The following FHL2 variants were observed in gnomAD, a reference collection of about 807,000 sequenced individuals.
FHL2 encodes four and a half LIM domains 2.
A neutral mutation model predicts 32.7 loss-of-function variants in FHL2; 20 were observed. That is an observed-to-expected ratio of 0.61 (90% CI 0.43 to 0.89). The LOEUF (loss-of-function observed/expected upper bound fraction) is 0.89, where lower values mean the gene tolerates loss of function less well. FHL2 is among the 40% of genes least tolerant of loss of function. The pLI is 0.00. For synonymous variants in FHL2, 123 were observed against 128.1 expected (o/e 0.96, Z 0.27); for missense variants, 311 against 358.6 (o/e 0.87, Z 1.07).
chr2:105,405,551 A>G (rs996967617), intron 1 of FHL2, among the ~76,000 whole-genome samples: 10 of 152,254 alleles, frequency 6.6e-5, no homozygotes, highest in African/African-American at 2.4e-4. Context: ...TGCTAGGATT[A>G]CAGGCGTGAG....
rs1217761513 is a variant in FHL2 at position 105,373,672 on chromosome 2, T to C, written c.218A>G (p.Asn73Ser). The change falls in exon 4 of 7, where the codon AAC becomes AGC. Residue 73 changes from asparagine to serine, a missense_variant. Physicochemically the swap from Asn to Ser is conservative, Grantham distance 46 (BLOSUM62 1). Transcript: ENST00000530340. The part of the protein sequence containing the change: ...EACFHCSQCR[N>S]SLVDKPFAAK... ...AGCAAAGGGCTTGTCCACCAGTGAGTTTCTGCACTGCGAGCAGTGGAAACA... is the reference window on the plus strand; with the variant it reads ...AGCAAAGGGCTTGTCCACCAGTGAGCTTCTGCACTGCGAGCAGTGGAAACA... 5.0e-6 allele frequency: 8 copies of C among 1,613,774 alleles called. No homozygotes were observed. The highest frequency in any genetic ancestry group is 6.8e-6 in the Non-Finnish European group (8 of 1,179,980).
chr2:105,363,443 C>T lies in FHL2; in HGVS notation c.530G>A (p.Arg177Gln), dbSNP rs113188481. 4,062 of 1,611,134 alleles carry T rather than the reference C, an allele frequency of 2.5e-3. 87 individuals carry two copies. In the African/African-American group the frequency reaches 0.047, roughly 19 times the overall value. ...GCACTCCTTGTGCCAGGGCTGCTCC[C>T]GGTAAGTGACCCCTCCCGTGGTGAT... ...KPITTGGVTY[R>Q]EQPWHKECFV... The change falls in exon 6 of 7, where the codon CGG becomes CAG. Residue 177 changes from arginine to glutamine, a missense_variant. Coordinates refer to ENST00000530340, the MANE Select transcript of FHL2 (RefSeq NM_001318895.3).
chr2:105,396,672 C>T lies in FHL2; in HGVS notation c.-50G>A. 1 of 1,612,826 alleles carries T rather than the reference C, an allele frequency of 6.2e-7. No individual in the cohort carries two copies. The highest frequency in any genetic ancestry group is 8.5e-7 in the Non-Finnish European group (1 of 1,179,856). On this transcript the variant is annotated 5_prime_UTR_variant, in exon 2 of 7. Coordinates refer to ENST00000530340, the MANE Select transcript of FHL2 (RefSeq NM_001318895.3). ...CCCAAAGTCAAAATGCCAGCCTAGT[C>T]TCCAGGAAGACACAGTTCTCAGCCA...
At chr2:105,372,468 G>A (rs150314033) in intron 4 of FHL2, among the ~76,000 whole-genome samples, 31 of 152,040 alleles carry the variant, frequency 2.0e-4, no homozygotes, top group African/African-American at 5.3e-4. Context: ...CTCGTGATCC[G>A]CCCTCCTTAG....
At chr2:105,402,211 G>A (rs1415754635), upstream of FHL2, among the ~76,000 whole-genome samples, 1 of 147,960 alleles carries the variant, frequency 6.8e-6, no homozygotes, top group Non-Finnish European at 1.5e-5. Context: ...GTGTATATAT[G>A]TATATATATG....
chr2:105,426,860 G>A (rs1043125888), intron 1 of FHL2, among the ~76,000 whole-genome samples: 14 of 152,260 alleles, frequency 9.2e-5, no homozygotes, highest in African/African-American at 3.1e-4. Context: ...GCTTCTCAGA[G>A]ATCTCTACTC....
intron 1 of FHL2, among the ~76,000 whole-genome samples, chr2:105,427,315 T>C (rs1487294799): frequency 6.6e-6 from 1 of 152,218 alleles, no homozygotes; most frequent in East Asian, 1.9e-4. Flanking sequence ...CTCTAGTCAA[T>C]TTCATTTTGT....
chr2:105,425,596 G>T (rs1039582290), intron 1 of FHL2, among the ~76,000 whole-genome samples: 2 of 152,018 alleles, frequency 1.3e-5, no homozygotes, highest in African/African-American at 4.8e-5. Context: ...AAACCCGATT[G>T]TACATTTGTT....
intron 1 of FHL2, among the ~76,000 whole-genome samples, chr2:105,397,886 T>G (rs1311500638): frequency 2.9e-5 from 2 of 69,310 alleles, no homozygotes; most frequent in African/African-American, 9.2e-5. Context: ...TTTTTGTTTT[T>G]TGTTTTTTTT....
chr2:105,361,542 A>G (rs1680261647), intron 6 of FHL2, 108 bp from the exon 7 acceptor site: 1 of 947,378 alleles, frequency 1.1e-6, no homozygotes, highest in African/African-American at 1.7e-5. Flanking sequence ...ATTGTGTAAT[A>G]TGGATAATGT....
chr2:105,371,265 A>C (rs1182590237), intron 4 of FHL2, among the ~76,000 whole-genome samples: 1 of 152,140 alleles, frequency 6.6e-6, no homozygotes, highest in African/African-American at 2.4e-5. Context: ...CTAAGTCAGC[A>C]AGCTTCGAGT....
At chr2:105,358,050 G>C (rs1680085593), downstream of FHL2, 1 of 152,142 alleles carries the variant, frequency 6.6e-6, no homozygotes, top group Non-Finnish European at 1.5e-5. Context: ...TTCCAGGAGG[G>C]CTCTTCTTGG....
chr2:105,415,015 A>G (rs529233684), intron 1 of FHL2, among the ~76,000 whole-genome samples: 6 of 152,346 alleles, frequency 3.9e-5, no homozygotes, highest in African/African-American at 1.4e-4. Flanking sequence ...ATATCTTTTG[A>G]TCCTTAAAGT....
At chr2:105,430,446 C>T (rs1418436015) in intron 1 of FHL2, among the ~76,000 whole-genome samples, 1 of 152,176 alleles carries the variant, frequency 6.6e-6, no homozygotes, top group African/African-American at 2.4e-5. Flanking sequence ...GCGGGCAGAT[C>T]ACCCGAGGTC....
At chr2:105,421,785 CT>C (rs776988400) in intron 1 of FHL2, among the ~76,000 whole-genome samples, 2 of 152,190 alleles carry the variant, frequency 1.3e-5, no homozygotes, top group Non-Finnish European at 2.9e-5. Flanking sequence ...AATGGAGGCA[CT>C]TCTGTGATGC....
chr2:105,367,351 C>T (rs950906321), intron 5 of FHL2, among the ~76,000 whole-genome samples: 3 of 152,140 alleles, frequency 2.0e-5, no homozygotes, highest in African/African-American at 4.8e-5. Context: ...CAGGGTTAAA[C>T]GATTTGATCA....
intron 1 of FHL2, among the ~76,000 whole-genome samples, chr2:105,405,201 GC>G (rs1332327963): frequency 6.6e-6 from 1 of 152,122 alleles, no homozygotes; most frequent in African/African-American, 2.4e-5. Context: ...TCACTTCTCT[GC>G]CTGCCTTCTC....
chr2:105,418,986 C>T (rs6711897), intron 1 of FHL2, among the ~76,000 whole-genome samples: 27,637 of 152,176 alleles, frequency 0.18, 3,128 homozygotes, highest in Middle Eastern at 0.29. Context: ...GCATGCACTG[C>T]AAGTCTTGGA....
intron 3 of FHL2, chr2:105,373,960 A>G (rs1450066366): frequency 3.5e-6 from 2 of 567,654 alleles, no homozygotes; most frequent in Non-Finnish European, 6.3e-6. Flanking sequence ...ACAGATGTGC[A>G]TGTATGCACA....
Sources: allele counts gnomAD v4.1 joint callset (sites outside exome capture counted in the v4.1 genomes callset), GRCh38; gene constraint gnomAD v4.1.1; transcripts MANE v1.5; gene names NCBI Gene and HGNC (gene_info 2026-07-23, HGNC 2026-07-21).